The following LDLRAD4 variants were observed in gnomAD, a reference collection of about 807,000 sequenced individuals.
LDLRAD4 encodes low-density lipoprotein receptor class A domain-containing protein 4.
In LDLRAD4, 5 loss-of-function variants were observed where a neutral mutation model predicts 17.0. The observed-to-expected ratio is 0.29, with a 90% CI of 0.15 to 0.62. The LOEUF (loss-of-function observed/expected upper bound fraction) is 0.62, where lower values mean the gene tolerates loss of function less well. Among genes scored for constraint, LDLRAD4 ranks in the 20% least tolerant of loss-of-function variants. The pLI, the probability that LDLRAD4 is intolerant of heterozygous loss-of-function variation, is 0.84. For synonymous variants in LDLRAD4, 168 were observed against 171.8 expected (o/e 0.98, Z 0.17); for missense variants, 340 against 424.7 (o/e 0.80, Z 1.75).
chr18:13,493,183 C>T (rs945822368), intron 3 of LDLRAD4, among the ~76,000 whole-genome samples: 2 of 152,138 alleles, frequency 1.3e-5, no homozygotes, highest in African/African-American at 4.8e-5. Context: ...TTGCCTACAG[C>T]CAAGAAGTTA....
At chr18:13,376,387 C>G (rs941506380) in intron 1 of LDLRAD4, among the ~76,000 whole-genome samples, 1 of 152,216 alleles carries the variant, frequency 6.6e-6, no homozygotes, top group Non-Finnish European at 1.5e-5. Context: ...AAAGGCCTCT[C>G]AGAGCCTGTG....
intron 1 of LDLRAD4, among the ~76,000 whole-genome samples, chr18:13,368,323 T>C (rs2084219183): frequency 2.0e-5 from 3 of 151,984 alleles, no homozygotes; most frequent in Admixed American, 1.3e-4. Context: ...TCGGGGGCCC[T>C]GCAGAGAACG....
chr18:13,576,437 A>AAAAGAAAG lies in LDLRAD4; in HGVS notation c.182-44664_182-44657dup, dbSNP rs200673148. 1.2e-3 allele frequency among the ~76,000 whole-genome samples: 98 copies of AAAAGAAAG among 83,676 alleles called. 1 individual carries two copies. The highest frequency in any genetic ancestry group is 2.9e-3 in the African/African-American group (94 of 32,694). 54.9% of individuals were successfully genotyped at this position (83,676 alleles called of 152,430 possible). On this transcript the variant is annotated intron_variant, in intron 3 of 5. Coordinates refer to ENST00000359446, the Ensembl canonical transcript of LDLRAD4. Reference sequence around the variant, plus strand: ...ACTCTGTCTCAAAAAAAAAAAAAAAAAAAGAAAGAAAGAAAGAAAGAAATA... The same window carrying AAAAGAAAG: ...ACTCTGTCTCAAAAAAAAAAAAAAAAAAAGAAAGAAAGAAAGAAAGAAAGAAAGAAATA...
chr18:13,278,934 G>A (rs2045068917), intron 1 of LDLRAD4, among the ~76,000 whole-genome samples: 1 of 152,262 alleles, frequency 6.6e-6, no homozygotes, highest in African/African-American at 2.4e-5. Flanking sequence ...GCTGTTGGCA[G>A]CAGAGGAGGC....
intron 2 of LDLRAD4, among the ~76,000 whole-genome samples, chr18:13,434,153 T>G (rs7239579): frequency 0.39 from 59,443 of 151,892 alleles, 12,557 homozygotes; most frequent in Non-Finnish European, 0.48. Flanking sequence ...GCAGAGAAGC[T>G]GAATACCCTA....
chr18:13,272,325 T>G (rs953479221), intron 1 of LDLRAD4, among the ~76,000 whole-genome samples: 1 of 152,182 alleles, frequency 6.6e-6, no homozygotes, highest in Non-Finnish European at 1.5e-5. Flanking sequence ...ACTGGACACT[T>G]GAACTGTGCC....
intron 1 of LDLRAD4, among the ~76,000 whole-genome samples, chr18:13,284,889 C>T (rs569243123): frequency 6.6e-6 from 1 of 152,250 alleles, no homozygotes; most frequent in Admixed American, 6.5e-5. Flanking sequence ...TGCATCGCAG[C>T]AGTCCCCATA....
intron 3 of LDLRAD4, chr18:13,488,690 CA>C (rs148590835): frequency 0.2 from 29,909 of 152,298 alleles, 3,433 homozygotes; most frequent in Middle Eastern, 0.27. Context: ...TCCTGCTCTG[CA>C]AGACGCACCC....
intron 3 of LDLRAD4, among the ~76,000 whole-genome samples, chr18:13,502,038 G>C (rs1214738866): frequency 6.6e-6 from 1 of 152,260 alleles, no homozygotes; most frequent in Admixed American, 6.5e-5. Context: ...AGGGGAGAAA[G>C]TGACATCTTG....
At chr18:13,570,379 G>T (rs1167993096) in intron 3 of LDLRAD4, among the ~76,000 whole-genome samples, 2 of 152,202 alleles carry the variant, frequency 1.3e-5, no homozygotes, top group Non-Finnish European at 2.9e-5. Context: ...GAGCCCAGAC[G>T]CCGGTCCACA....
At chr18:13,461,146 T>A (rs1175979235) in intron 3 of LDLRAD4, 1 of 152,346 alleles carries the variant, frequency 6.6e-6, no homozygotes, top group African/African-American at 2.4e-5. Flanking sequence ...CAGCGCCTGC[T>A]CACAGAAGGT....
intron 4 of LDLRAD4, among the ~76,000 whole-genome samples, chr18:13,630,632 C>T (rs912482271): frequency 2.6e-5 from 4 of 152,118 alleles, no homozygotes; most frequent in Admixed American, 6.5e-5. Context: ...GCAGACTGAC[C>T]GAGGTGCCTA....
At chr18:13,565,729 T>C (rs12458407) in intron 3 of LDLRAD4, among the ~76,000 whole-genome samples, 29,685 of 152,268 alleles carry the variant, frequency 0.19, 3,138 homozygotes, top group East Asian at 0.31. Context: ...TGCTCAATGG[T>C]GGCAGAGCTC....
At chr18:13,584,519 C>T (rs1312109542) in intron 3 of LDLRAD4, among the ~76,000 whole-genome samples, 1 of 152,056 alleles carries the variant, frequency 6.6e-6, no homozygotes, top group African/African-American at 2.4e-5. Context: ...CGTGTTGTTC[C>T]CCTCGGTGAC....
At chr18:13,235,841 T>C (rs532904889) in intron 1 of LDLRAD4, among the ~76,000 whole-genome samples, 1 of 152,326 alleles carries the variant, frequency 6.6e-6, no homozygotes, top group East Asian at 1.9e-4. Flanking sequence ...GTTAGGAATC[T>C]GTTTGAACCT....
intron 3 of LDLRAD4, among the ~76,000 whole-genome samples, chr18:13,459,438 C>T (rs1441758951): frequency 6.6e-6 from 1 of 151,058 alleles, no homozygotes; most frequent in African/African-American, 2.4e-5. Flanking sequence ...GGCTGGAGTG[C>T]AGTGTGTGAT....
exon 6 of LDLRAD4, chr18:13,647,919 C>G (rs2043077652): frequency 2.0e-5 from 3 of 152,196 alleles, no homozygotes; most frequent in Admixed American, 6.5e-5. Flanking sequence ...CCTCCCCAAC[C>G]CTGGAGACAC....
intron 1 of LDLRAD4, among the ~76,000 whole-genome samples, chr18:13,233,479 C>T (rs1388534045): frequency 3.3e-5 from 5 of 152,118 alleles, no homozygotes; most frequent in Admixed American, 6.5e-5. Context: ...ACCTGTTTGT[C>T]GCTGTCTCTG....
chr18:13,516,654 T>C (rs1037277639), intron 3 of LDLRAD4, among the ~76,000 whole-genome samples: 2 of 152,246 alleles, frequency 1.3e-5, no homozygotes, highest in Admixed American at 6.5e-5. Flanking sequence ...AGAGCATCAG[T>C]GTATTTCAAT....
Sources: allele counts gnomAD v4.1 joint callset (sites outside exome capture counted in the v4.1 genomes callset), GRCh38; gene constraint gnomAD v4.1.1; transcripts MANE v1.5; gene names NCBI Gene and HGNC (gene_info 2026-07-23, HGNC 2026-07-21).